Variants in CNR2 observed in about 807,000 individuals in gnomAD.
CNR2 encodes the protein cannabinoid receptor 2 (macrophage).
For synonymous variants in CNR2, 172 were observed against 182.2 expected (o/e 0.94, Z 0.45); for missense variants, 379 against 439.9 (o/e 0.86, Z 1.24).
chr1:23,888,728 TG>T (rs1343622378), intron 1 of CNR2, among the ~76,000 whole-genome samples: 3 of 152,090 alleles, frequency 2.0e-5, no homozygotes, highest in Non-Finnish European at 2.9e-5. Flanking sequence ...CCCAGCACTT[TG>T]GGAGGCCGAG....
chr1:23,909,223 A>G (rs1486114945), intron 1 of CNR2, among the ~76,000 whole-genome samples: 4 of 151,896 alleles, frequency 2.6e-5, no homozygotes, highest in African/African-American at 9.7e-5. Flanking sequence ...CTTGTCTGTC[A>G]TTTTCTCTCC....
intron 1 of CNR2, among the ~76,000 whole-genome samples, chr1:23,897,436 C>T (rs1487233974): frequency 1.3e-5 from 2 of 151,834 alleles, no homozygotes; most frequent in Non-Finnish European, 2.9e-5. Context: ...GAGACTAAAA[C>T]TGAGAACTTA....
chr1:23,884,383 G>A (rs992091938), intron 1 of CNR2, among the ~76,000 whole-genome samples: 2 of 18,596 alleles, frequency 1.1e-4, no homozygotes, highest in African/African-American at 2.0e-4. Flanking sequence ...TCGGCTCACT[G>A]CAGCCTCTGC....
At position 23,875,478 on chromosome 1, in the gene CNR2, C is replaced by A; in HGVS notation, c.140G>T (p.Ser47Ile). Reference sequence around the variant, plus strand: ...GAGCACAGCCACGTTCTCCAGGGCACTTAGCAGGCCCAGAAGAGTGCACAA... The same window carrying A: ...GAGCACAGCCACGTTCTCCAGGGCAATTAGCAGGCCCAGAAGAGTGCACAA... The part of the protein sequence containing the change: ...AVLCTLLGLL[S>I]ALENVAVLYL... The change falls in exon 2 of 2, where the codon AGT becomes ATT. Residue 47 changes from serine (S) to isoleucine (I), a missense_variant. Transcript: ENST00000374472. 1 of 1,614,190 alleles carries A rather than the reference C, an allele frequency of 6.2e-7. No individual in the cohort carries two copies. Among genetic ancestry groups the A allele is most frequent in the South Asian group, 1.1e-5 (1 of 91,082 alleles).
intron 1 of CNR2, among the ~76,000 whole-genome samples, chr1:23,892,737 C>T (rs1640210454): frequency 6.6e-6 from 1 of 151,826 alleles, no homozygotes. Context: ...AATGTGTAGG[C>T]TGGGGGTGGT....
intron 1 of CNR2, among the ~76,000 whole-genome samples, chr1:23,909,946 C>T (rs933461825): frequency 2.6e-5 from 4 of 151,376 alleles, no homozygotes; most frequent in African/African-American, 7.3e-5. Flanking sequence ...AGTTATGGGA[C>T]TGTGGACAAG....
In CNR2 at chr1:23,901,816, C is replaced by T. The variant is rs1381910065; in HGVS notation, c.-46+11430G>A. Reference sequence around the variant, plus strand: ...AGCTGGACCCACACAGGCCTAGCCCCGCAATAAATACCCTTCTGTCCACTG... The same window carrying T: ...AGCTGGACCCACACAGGCCTAGCCCTGCAATAAATACCCTTCTGTCCACTG... On this transcript the variant is annotated intron_variant, in intron 1 of 1. Coordinates refer to ENST00000374472, the MANE Select transcript of CNR2 (RefSeq NM_001841.3). 4.4e-6 allele frequency: 7 copies of T among 1,601,464 alleles called. No homozygotes were observed. In the African/African-American group the frequency reaches 5.4e-5, roughly 12 times the overall value.
At chr1:23,880,171 C>T (rs1412771583) in intron 1 of CNR2, among the ~76,000 whole-genome samples, 2 of 144,836 alleles carry the variant, frequency 1.4e-5, no homozygotes, top group African/African-American at 5.0e-5. Flanking sequence ...CCTAACTCAT[C>T]CCAACTTCCA....
intron 1 of CNR2, among the ~76,000 whole-genome samples, chr1:23,891,654 CTT>C (rs1640194606): frequency 2.0e-5 from 3 of 148,014 alleles, no homozygotes; most frequent in Admixed American, 2.0e-4. Context: ...AATCTTACCT[CTT>C]TTTATAACTA....
chr1:23,891,575 T>C (rs1640192580), intron 1 of CNR2, among the ~76,000 whole-genome samples: 1 of 137,340 alleles, frequency 7.3e-6, no homozygotes, highest in Admixed American at 8.4e-5. Context: ...GCCGAGATCA[T>C]GCCATTGCAC....
intron 1 of CNR2, among the ~76,000 whole-genome samples, chr1:23,894,069 G>A (rs1193855367): frequency 3.3e-5 from 5 of 150,910 alleles, no homozygotes; most frequent in African/African-American, 7.3e-5. Flanking sequence ...GCAGTGAGCC[G>A]TGATCACACC....
chr1:23,910,654 C>CAA (rs34083515), intron 1 of CNR2, among the ~76,000 whole-genome samples: 1,297 of 31,898 alleles, frequency 0.041, 147 homozygotes, highest in African/African-American at 0.11. Context: ...AACGCTGTCT[C>CAA]AAAAAAAAAA....
At chr1:23,895,690 T>C (rs61207054) in intron 1 of CNR2, among the ~76,000 whole-genome samples, 1,690 of 152,212 alleles carry the variant, frequency 0.011, 36 homozygotes, top group African/African-American at 0.038. Flanking sequence ...GTATTTTTAG[T>C]GGAGACGGGG....
intron 1 of CNR2, among the ~76,000 whole-genome samples, chr1:23,891,228 T>G (rs1640183928): frequency 6.6e-6 from 1 of 151,968 alleles, no homozygotes; most frequent in Non-Finnish European, 1.5e-5. Flanking sequence ...TAATAAAGTT[T>G]TCTGGGATTT....
intron 1 of CNR2, chr1:23,901,774 G>A: frequency 1.3e-6 from 2 of 1,490,158 alleles, no homozygotes. Context: ...TCTTCACGCT[G>A]TACTCAGCCT....
At chr1:23,897,211 C>T (rs995507045) in intron 1 of CNR2, among the ~76,000 whole-genome samples, 2 of 151,986 alleles carry the variant, frequency 1.3e-5, no homozygotes, top group East Asian at 1.9e-4. Flanking sequence ...AAAGGTCCTT[C>T]AAACATGGCA....
intron 1 of CNR2, among the ~76,000 whole-genome samples, chr1:23,888,062 G>T (rs537839871): frequency 6.6e-6 from 1 of 152,338 alleles, no homozygotes; most frequent in South Asian, 2.1e-4. Flanking sequence ...TCTTGCTCTT[G>T]TAAGCCTGCT....
chr1:23,879,999 T>G (rs1639951263), intron 1 of CNR2, among the ~76,000 whole-genome samples: 1 of 152,204 alleles, frequency 6.6e-6, no homozygotes, highest in African/African-American at 2.4e-5. Flanking sequence ...CATTGGCTTC[T>G]TAATCAGTCT....
chr1:23,877,941 A>G (rs1378391184), intron 1 of CNR2, among the ~76,000 whole-genome samples: 1 of 151,976 alleles, frequency 6.6e-6, no homozygotes, highest in East Asian at 1.9e-4. Flanking sequence ...AGCCTGGGCG[A>G]TAAGAGTGAA....
Sources: gnomAD v4.1 joint callset for allele counts (sites outside exome capture counted in the v4.1 genomes callset) on GRCh38, gnomAD v4.1.1 for gene constraint, MANE v1.5 for transcripts, NCBI Gene and HGNC (gene_info 2026-07-23, HGNC 2026-07-21) for gene names.